Variants in CDC42BPB observed in about 807,000 individuals in gnomAD.
The protein encoded by CDC42BPB is serine/threonine-protein kinase MRCK beta.
Under a neutral mutation model 214.9 loss-of-function variants are expected in CDC42BPB, and 37 were observed. The ratio of observed to expected loss-of-function variants is 0.17; its 90% confidence interval spans 0.13 to 0.23. The LOEUF (loss-of-function observed/expected upper bound fraction) is 0.23. Ranked by LOEUF, CDC42BPB falls within the 10% of genes least tolerant of loss-of-function variation. CDC42BPB has a pLI of 1.00. For synonymous variants in CDC42BPB, 931 were observed against 884.0 expected (o/e 1.05, Z -0.94); for missense variants, 1,694 against 2,227.0 (o/e 0.76, Z 4.82).
Position 102,933,851 on chromosome 14 carries a change from C to T in CDC42BPB, c.5005-8G>A. 2 of 1,517,570 alleles carry T rather than the reference C, an allele frequency of 1.3e-6. No individual in the cohort carries two copies. Among genetic ancestry groups the T allele is most frequent in the Non-Finnish European group, 1.8e-6 (2 of 1,139,828 alleles). 94.0% of individuals were successfully genotyped at this position (1,517,570 alleles called of 1,614,324 possible). A position where few individuals can be genotyped will look rare whatever the true frequency, so the allele number is the denominator to read the frequency against. ...GGTGGAGTCCGAATCAGGCTGTGAA[C>T]AGGAAGAGGGCAGGGTGAGCACCCG... On this transcript the variant is annotated splice_region_variant and splice_polypyrimidine_tract_variant and intron_variant, in intron 36 of 36. Coordinates refer to ENST00000361246, the MANE Select transcript of CDC42BPB (RefSeq NM_006035.4).
intron 23 of CDC42BPB, among the ~76,000 whole-genome samples, chr14:102,952,967 AT>A (rs1314436557): frequency 6.6e-6 from 1 of 152,216 alleles, no homozygotes. Context: ...CTGGGGCCAC[AT>A]TTAGGTTGGG....
intron 1 of CDC42BPB, chr14:103,041,510 A>G (rs1887992155): frequency 4.3e-6 from 6 of 1,394,064 alleles, no homozygotes; most frequent in Non-Finnish European, 6.0e-6. Context: ...CACTTCCACA[A>G]GGACTGGCAG....
At chr14:103,054,208 C>T (rs1888812930) in intron 1 of CDC42BPB, among the ~76,000 whole-genome samples, 1 of 152,100 alleles carries the variant, frequency 6.6e-6, no homozygotes, top group South Asian at 2.1e-4. Context: ...CTATACTTTC[C>T]AAATTTCCTC....
intron 21 of CDC42BPB, 115 bp from the exon 22 acceptor site, chr14:102,954,803 G>A: frequency 1.4e-6 from 2 of 1,472,070 alleles, no homozygotes; most frequent in Non-Finnish European, 1.8e-6. Context: ...AGAAGTCCCA[G>A]CGGTTCTTAC....
chr14:102,986,695 C>G (rs534999057), intron 5 of CDC42BPB, 115 bp from the exon 6 acceptor site: 1 of 1,440,982 alleles, frequency 6.9e-7, no homozygotes, highest in East Asian at 2.6e-5. Flanking sequence ...TTGTGAACAG[C>G]TGTCACCATC....
In CDC42BPB at chr14:102,968,242, GAATT is replaced by G. The variant is rs1375909622; in HGVS notation, c.2346+7_2346+10del. 27 of 1,590,544 alleles carry G rather than the reference GAATT, an allele frequency of 1.7e-5. No homozygotes were observed. In the East Asian group the frequency reaches 2.0e-4, roughly 12 times the overall value. On this transcript the variant is annotated splice_region_variant and intron_variant, in intron 16 of 36. Transcript: ENST00000361246. ...CACAAAGTGCTAACTCAGGTACTTT[GAATT>G]AATTACCTTTTCATTTTCAGCAGTT...
chr14:102,999,371 C>T (rs1894877584), intron 5 of CDC42BPB, among the ~76,000 whole-genome samples, 194 bp downstream of exon 5: 1 of 152,114 alleles, frequency 6.6e-6, no homozygotes, highest in Non-Finnish European at 1.5e-5. Flanking sequence ...ACAACTGCAA[C>T]AATGAGAGCT....
At chr14:102,952,845 CA>C in intron 23 of CDC42BPB, 1 of 582,522 alleles carries the variant, frequency 1.7e-6, no homozygotes, top group Non-Finnish European at 2.2e-6. Context: ...GCACTGCTAC[CA>C]AAAAGCGAGG....
chr14:103,002,202 G>A (rs1322316868), intron 4 of CDC42BPB, among the ~76,000 whole-genome samples: 1 of 152,140 alleles, frequency 6.6e-6, no homozygotes. Flanking sequence ...AAGAGGAACT[G>A]GCCTAACCCT....
intron 9 of CDC42BPB, among the ~76,000 whole-genome samples, chr14:102,977,716 G>A (rs980949419): frequency 6.6e-6 from 1 of 152,128 alleles, no homozygotes; most frequent in Non-Finnish European, 1.5e-5. Flanking sequence ...CAATGCTGGC[G>A]GCCTATTGGT....
intron 1 of CDC42BPB, among the ~76,000 whole-genome samples, chr14:103,021,820 G>C (rs1199214927): frequency 1.3e-5 from 2 of 152,174 alleles, no homozygotes. Flanking sequence ...TGGTGCAGGC[G>C]ATAGCAGTCT....
chr14:102,964,577 T>C lies in CDC42BPB; in HGVS notation c.2651A>G (p.Glu884Gly). 1 of 1,613,918 alleles carries C rather than the reference T, an allele frequency of 6.2e-7. No individual in the cohort carries two copies. Among genetic ancestry groups the C allele is most frequent in the Non-Finnish European group, 8.5e-7 (1 of 1,179,996 alleles). The change falls in exon 19 of 37, where the codon GAG becomes GGG. Residue 884 changes from glutamate to glycine, a missense_variant. Physicochemically the swap from Glu to Gly is moderately conservative, Grantham distance 98. Around this residue, in one of 7 missense-constraint regions of CDC42BPB, gnomAD observed 55 missense variants for 95.5 expected, o/e 0.58. Transcript: ENST00000361246. The part of the protein sequence containing the change: ...SARLELQSAL[E>G]AEIRAKQLVQ... ...AAGCTGCTTGGCCCGGATCTCCGCCTCCAGGGCCGACTGCAGCTCCAGCCG... is the reference window on the plus strand; with the variant it reads ...AAGCTGCTTGGCCCGGATCTCCGCCCCCAGGGCCGACTGCAGCTCCAGCCG...
chr14:102,989,698 C>T (rs1894404082), intron 5 of CDC42BPB, among the ~76,000 whole-genome samples: 1 of 151,976 alleles, frequency 6.6e-6, no homozygotes, highest in African/African-American at 2.4e-5. Context: ...CATGGAGTAC[C>T]CTGTCTTTAT....
chr14:103,028,234 T>G (rs1209959171), intron 1 of CDC42BPB, among the ~76,000 whole-genome samples: 1 of 152,204 alleles, frequency 6.6e-6, no homozygotes, highest in African/African-American at 2.4e-5. Flanking sequence ...CAGAGACTAC[T>G]TGGGTGCACG....
intron 1 of CDC42BPB, among the ~76,000 whole-genome samples, chr14:103,020,900 A>G (rs1422488982): frequency 6.6e-6 from 1 of 152,232 alleles, no homozygotes; most frequent in Non-Finnish European, 1.5e-5. Context: ...GTTTCACAAT[A>G]ACTAAGCTCT....
At chr14:103,032,933 T>TAA (rs993368004) in intron 1 of CDC42BPB, among the ~76,000 whole-genome samples, 17 of 141,334 alleles carry the variant, frequency 1.2e-4, no homozygotes, top group African/African-American at 3.1e-4. Context: ...CCACTTTTTT[T>TAA]AAAAAAAAAA....
intron 6 of CDC42BPB, among the ~76,000 whole-genome samples, chr14:102,985,734 A>G (rs556063743): frequency 2.0e-5 from 3 of 152,382 alleles, no homozygotes; most frequent in East Asian, 1.9e-4. Context: ...AGACCTTATG[A>G]TAAGTGTAGG....
At chr14:103,029,801 G>A (rs1483897234) in intron 1 of CDC42BPB, among the ~76,000 whole-genome samples, 10 of 142,768 alleles carry the variant, frequency 7.0e-5, no homozygotes, top group African/African-American at 2.6e-4. Flanking sequence ...GGAGGTTGCA[G>A]TGAGCCGAGA....
chr14:102,984,911 C>T (rs1388625966), intron 6 of CDC42BPB, among the ~76,000 whole-genome samples: 1 of 152,240 alleles, frequency 6.6e-6, no homozygotes, highest in Non-Finnish European at 1.5e-5. Flanking sequence ...GGCCAGCCCA[C>T]AGGAGCTCCT....
Sources: allele counts gnomAD v4.1 joint callset (sites outside exome capture counted in the v4.1 genomes callset), GRCh38; gene constraint gnomAD v4.1.1; regional missense constraint gnomAD v4.1.1; transcripts MANE v1.5; gene names NCBI Gene and HGNC (gene_info 2026-07-23, HGNC 2026-07-21).